Variants in GPHN observed in about 807,000 individuals in gnomAD.
The protein encoded by GPHN is gephyrin.
GPHN carries 17 observed loss-of-function variants against 95.5 expected under a neutral mutation model. That is an observed-to-expected ratio of 0.18 (90% CI 0.12 to 0.27). The LOEUF is 0.27. Among genes scored for constraint, GPHN ranks in the 10% least tolerant of loss-of-function variants. The pLI, the probability that GPHN is intolerant of heterozygous loss-of-function variation, is 1.00. For synonymous variants in GPHN, 320 were observed against 322.5 expected (o/e 0.99, Z 0.08); for missense variants, 660 against 978.1 (o/e 0.67, Z 4.34).
the GPHN span, among the ~76,000 whole-genome samples, chr14:67,627,169 G>A: frequency 6.6e-6 from 1 of 150,812 alleles, no homozygotes; most frequent in Non-Finnish European, 1.5e-5. Flanking sequence ...AGAAAGCACT[G>A]AATTATAAAT....
At chr14:66,928,978 G>C (rs1456292896) in intron 8 of GPHN, among the ~76,000 whole-genome samples, 1 of 151,498 alleles carries the variant, frequency 6.6e-6, no homozygotes. Flanking sequence ...TGTGTATTCT[G>C]CAGCCATTGG....
chr14:67,383,665 A>G, the GPHN span: 1 of 478,106 alleles, frequency 2.1e-6, no homozygotes, highest in Non-Finnish European at 3.7e-6. Flanking sequence ...GAGTGGCCTC[A>G]TTTCACTAGA....
At chr14:67,694,792 ACTGTGAT>A in the GPHN span, among the ~76,000 whole-genome samples, 1 of 152,000 alleles carries the variant, frequency 6.6e-6, no homozygotes, top group East Asian at 1.9e-4. Flanking sequence ...GTAAGAAATG[ACTGTGAT>A]CTGGCCTGGC....
intron 10 of GPHN, among the ~76,000 whole-genome samples, chr14:67,029,805 A>T (rs997402522): frequency 2.0e-5 from 3 of 152,208 alleles, no homozygotes; most frequent in African/African-American, 7.2e-5. Context: ...AAGAAAATGG[A>T]TGCATTTAGG....
chr14:66,575,269 T>C (rs1172559698), intron 1 of GPHN, among the ~76,000 whole-genome samples: 1 of 152,206 alleles, frequency 6.6e-6, no homozygotes, highest in Non-Finnish European at 1.5e-5. Context: ...CATGCTCTCC[T>C]AGCCTGCGAG....
chr14:67,159,559 G>C (rs183324794), intron 19 of GPHN, 71 bp downstream of exon 19: 1 of 830,710 alleles, frequency 1.2e-6, no homozygotes, highest in African/African-American at 1.7e-5. Context: ...ATTTTTAAAT[G>C]CCTTCTTTTT....
At chr14:67,221,873 C>T in the GPHN span, 1 of 1,587,134 alleles carries the variant, frequency 6.3e-7, no homozygotes, top group Non-Finnish European at 8.6e-7. Flanking sequence ...TCTCTGGTTC[C>T]TAGAAGAGTA....
the GPHN span, chr14:67,392,206 A>G: frequency 1.4e-6 from 1 of 721,904 alleles, no homozygotes; most frequent in South Asian, 1.5e-5. Flanking sequence ...TTGCTTTCGT[A>G]GATTTTGCTG....
chr14:66,985,781 G>A, intron 9 of GPHN: 4 of 1,126,806 alleles, frequency 3.5e-6, no homozygotes, highest in Non-Finnish European at 3.8e-6. Flanking sequence ...TTCGTCTATA[G>A]CCTACACTTC....
At chr14:67,530,265 C>G in the GPHN span, among the ~76,000 whole-genome samples, 1 of 152,166 alleles carries the variant, frequency 6.6e-6, no homozygotes, top group Non-Finnish European at 1.5e-5. Flanking sequence ...TTTCAACAAC[C>G]CTAAGAGGCC....
rs532689322 is a variant in GPHN at position 66,616,728 on chromosome 14, C to T, written c.65-64379C>T. Among the ~76,000 whole-genome samples the T allele has an allele frequency of 2.1e-4, 32 of 151,696 alleles. No homozygotes were observed. In the South Asian group the frequency reaches 4.6e-3, roughly 22 times the overall value. On this transcript the variant is annotated intron_variant, in intron 1 of 22. Transcript: ENST00000478722. ...GAACAGGACCCCTTTTTTTTTTAGA[C>T]GGAGTCTCGCTATGTTGTCACCAGG...
At chr14:67,102,696 GAAAT>G (rs888946842) in intron 13 of GPHN, among the ~76,000 whole-genome samples, 18 of 152,094 alleles carry the variant, frequency 1.2e-4, no homozygotes, top group Middle Eastern at 3.2e-3. Flanking sequence ...AAAGTGGCAA[GAAAT>G]AAATAAATAA....
At chr14:66,816,863 G>A (rs1596002939) in intron 3 of GPHN, among the ~76,000 whole-genome samples, 3 of 152,044 alleles carry the variant, frequency 2.0e-5, no homozygotes, top group South Asian at 4.2e-4. Flanking sequence ...TGAGTATAAG[G>A]CTCCAGATAG....
chr14:67,422,956 C>T, the GPHN span, among the ~76,000 whole-genome samples: 3 of 151,754 alleles, frequency 2.0e-5, no homozygotes, highest in African/African-American at 7.3e-5. Flanking sequence ...CTCAGCCTCC[C>T]GAGTAGCTGG....
chr14:66,624,574 G>T (rs1178701479), intron 1 of GPHN, among the ~76,000 whole-genome samples: 1 of 152,210 alleles, frequency 6.6e-6, no homozygotes. Context: ...ACTGGTAAGG[G>T]CTGATCCAGC....
At chr14:67,571,405 G>C in the GPHN span, 2 of 220,030 alleles carry the variant, frequency 9.1e-6, no homozygotes, top group African/African-American at 4.4e-5. Context: ...TTGTTGCGAC[G>C]TCCCCACACA....
At chr14:66,875,974 G>A (rs1041503323) in intron 4 of GPHN, among the ~76,000 whole-genome samples, 12 of 152,154 alleles carry the variant, frequency 7.9e-5, no homozygotes, top group African/African-American at 1.7e-4. Context: ...CACATCACAC[G>A]TATTCTAAAA....
chr14:67,549,676 C>A, the GPHN span, among the ~76,000 whole-genome samples: 1 of 152,164 alleles, frequency 6.6e-6, no homozygotes, highest in African/African-American at 2.4e-5. Context: ...TGCTCGTGAA[C>A]CATTTGAGAA....
At chr14:66,823,882 A>G (rs1255986171) in intron 3 of GPHN, among the ~76,000 whole-genome samples, 1 of 152,244 alleles carries the variant, frequency 6.6e-6, no homozygotes, top group Non-Finnish European at 1.5e-5. Flanking sequence ...ATGCAAGTAT[A>G]TGATTATAAT....
Sources: gnomAD v4.1 joint callset for allele counts (sites outside exome capture counted in the v4.1 genomes callset) on GRCh38, gnomAD v4.1.1 for gene constraint, MANE v1.5 for transcripts, NCBI Gene and HGNC (gene_info 2026-07-23, HGNC 2026-07-21) for gene names.